POU6F2: variants seen among roughly 807,000 people sequenced by gnomAD.
The protein encoded by POU6F2 is POU class 6 homeobox 2.
POU6F2 carries 31 observed loss-of-function variants against 71.3 expected under a neutral mutation model. The observed-to-expected ratio is 0.43, with a 90% CI of 0.33 to 0.59. POU6F2 has a LOEUF of 0.59. Among genes scored for constraint, POU6F2 ranks in the 20% least tolerant of loss-of-function variants. POU6F2 has a pLI of 0.04. For synonymous variants in POU6F2, 347 were observed against 355.7 expected, an observed-to-expected ratio of 0.98 and a Z score of 0.27; for missense variants, 783 against 856.8, an observed-to-expected ratio of 0.91 and a Z score of 1.07.
At chr7:39,007,006 G>T in intron 1 of POU6F2, 1 of 813,684 alleles carries the variant, frequency 1.2e-6, no homozygotes. Context: ...CTTATGCTCT[G>T]ATGTGCTGCT....
At chr7:39,312,863 G>A (rs1220876586) in intron 4 of POU6F2, among the ~76,000 whole-genome samples, 1 of 152,176 alleles carries the variant, frequency 6.6e-6, no homozygotes, top group African/African-American at 2.4e-5. Context: ...GGGACAGAGT[G>A]GGACGGTGTG....
chr7:39,177,053 C>G (rs1439969552), intron 2 of POU6F2, among the ~76,000 whole-genome samples: 2 of 152,188 alleles, frequency 1.3e-5, no homozygotes, highest in Non-Finnish European at 2.9e-5. Context: ...CTTTTTTCCA[C>G]TCTTCAAACA....
chr7:39,353,831 T>G (rs1786197478), intron 5 of POU6F2, among the ~76,000 whole-genome samples: 1 of 152,230 alleles, frequency 6.6e-6, no homozygotes, highest in Non-Finnish European at 1.5e-5. Flanking sequence ...GAAATTTATC[T>G]TAATTAGATC....
intron 4 of POU6F2, among the ~76,000 whole-genome samples, chr7:39,294,473 G>A (rs188087631): frequency 1.4e-4 from 21 of 151,752 alleles, no homozygotes; most frequent in African/African-American, 4.1e-4. Flanking sequence ...ACAAAAACAT[G>A]CTACTGTTTC....
chr7:39,179,155 T>C (rs1005686939), intron 2 of POU6F2, among the ~76,000 whole-genome samples: 1 of 152,230 alleles, frequency 6.6e-6, no homozygotes, highest in African/African-American at 2.4e-5. Flanking sequence ...AAGTCACTGC[T>C]ACTATATCAA....
chr7:39,072,545 G>A lies in POU6F2; in HGVS notation c.106-13315G>A, dbSNP rs550976510. On this transcript the variant is annotated intron_variant, in intron 1 of 9. Coordinates refer to ENST00000518318, the MANE Select transcript of POU6F2 (RefSeq NM_001370959.1). ...GGTGTCTTACTGACTTGTTAAAATGGGTCTGATTTTCCCCTTGACAACACG... is the reference window on the plus strand; with the variant it reads ...GGTGTCTTACTGACTTGTTAAAATGAGTCTGATTTTCCCCTTGACAACACG... 2.6e-5 allele frequency among the ~76,000 whole-genome samples: 4 copies of A among 152,218 alleles called. No individual in the cohort carries two copies. In the South Asian group the frequency reaches 8.3e-4, roughly 32 times the overall value.
intron 4 of POU6F2, among the ~76,000 whole-genome samples, chr7:39,275,344 G>A (rs545165368): frequency 6.6e-6 from 1 of 152,160 alleles, no homozygotes; most frequent in South Asian, 2.1e-4. Flanking sequence ...CAACCTACAA[G>A]GGACGTGAAG....
intron 2 of POU6F2, among the ~76,000 whole-genome samples, chr7:39,171,508 A>G (rs999293518): frequency 2.6e-5 from 4 of 152,216 alleles, no homozygotes; most frequent in African/African-American, 9.6e-5. Flanking sequence ...GTTAGCAAGC[A>G]TCTCTCAGTA....
chr7:39,398,883 CT>C (rs1787236502), intron 5 of POU6F2, among the ~76,000 whole-genome samples: 1 of 152,192 alleles, frequency 6.6e-6, no homozygotes, highest in African/African-American at 2.4e-5. Flanking sequence ...CACAACAACC[CT>C]ACAATGTCAT....
intron 5 of POU6F2, among the ~76,000 whole-genome samples, chr7:39,403,155 G>A (rs186107638): frequency 1.3e-5 from 2 of 152,284 alleles, no homozygotes; most frequent in East Asian, 3.9e-4. Flanking sequence ...GGGAATGTGA[G>A]GCTTGGAGCC....
At chr7:39,007,855 C>T (rs1306597461) in intron 1 of POU6F2, among the ~76,000 whole-genome samples, 1 of 151,488 alleles carries the variant, frequency 6.6e-6, no homozygotes, top group Admixed American at 6.6e-5. Flanking sequence ...AGGACATGAA[C>T]TCATCATTTT....
chr7:39,437,626 A>G (rs1383428205), intron 7 of POU6F2, among the ~76,000 whole-genome samples: 4 of 151,798 alleles, frequency 2.6e-5, no homozygotes, highest in South Asian at 4.2e-4. Flanking sequence ...ATCTCCTTCA[A>G]ATCTTCTCTG....
chr7:39,355,409 A>G (rs556340930), intron 5 of POU6F2, among the ~76,000 whole-genome samples: 1 of 152,288 alleles, frequency 6.6e-6, no homozygotes, highest in South Asian at 2.1e-4. Flanking sequence ...CTAATTGTAC[A>G]TATATATTTT....
chr7:39,460,824 G>A lies in POU6F2; in HGVS notation c.1658+109G>A. Reference sequence around the variant, plus strand: ...GGGCAAAGCTGGAGGGGCAGAGAGTGGGAACAAAGTTTGGGGGCAGCTATA... The same window carrying A: ...GGGCAAAGCTGGAGGGGCAGAGAGTAGGAACAAAGTTTGGGGGCAGCTATA... On this transcript the variant is annotated intron_variant, in intron 9 of 9. Transcript: ENST00000518318. The surrounding 1 kb of genome is among the most constrained non-coding windows in gnomAD (Gnocchi z 4.4). The A allele has an allele frequency of 7.7e-7, 1 of 1,297,892 alleles. No homozygotes were observed. Among genetic ancestry groups the A allele is most frequent in the Non-Finnish European group, 1.0e-6 (1 of 977,218 alleles). 80.4% of individuals were successfully genotyped at this position (1,297,892 alleles called of 1,614,324 possible). A position where few individuals can be genotyped will look rare whatever the true frequency, so the allele number is the denominator to read the frequency against.
intron 1 of POU6F2, among the ~76,000 whole-genome samples, chr7:39,015,839 TATATTA>T (rs1789493324): frequency 1.6e-5 from 1 of 61,636 alleles, no homozygotes; most frequent in African/African-American, 5.5e-5. Context: ...AGATATATAA[TATATTA>T]TATATAGATA....
At chr7:39,436,452 G>A (rs1458343020) in intron 7 of POU6F2, among the ~76,000 whole-genome samples, 1 of 141,700 alleles carries the variant, frequency 7.1e-6, no homozygotes, top group Non-Finnish European at 1.5e-5. Context: ...AAGAATGCTT[G>A]TAATTTTGCA....
chr7:39,026,693 A>T, intron 1 of POU6F2, among the ~76,000 whole-genome samples: 1 of 152,154 alleles, frequency 6.6e-6, no homozygotes, highest in Non-Finnish European at 1.5e-5. Flanking sequence ...TGGCACATGT[A>T]TACATATGTA....
At chr7:39,175,336 G>T (rs542286028) in intron 2 of POU6F2, among the ~76,000 whole-genome samples, 1 of 152,010 alleles carries the variant, frequency 6.6e-6, no homozygotes, top group Non-Finnish European at 1.5e-5. Flanking sequence ...CCAAAATTTC[G>T]TGCATCAGTA....
intron 2 of POU6F2, among the ~76,000 whole-genome samples, chr7:39,135,670 G>C (rs1288016526): frequency 6.6e-6 from 1 of 151,842 alleles, no homozygotes; most frequent in Non-Finnish European, 1.5e-5. Flanking sequence ...AAAGAAAATA[G>C]AAACTAAGGT....
Sources: allele counts gnomAD v4.1 joint callset (sites outside exome capture counted in the v4.1 genomes callset), GRCh38; gene constraint gnomAD v4.1.1; non-coding constraint Gnocchi (gnomAD v3.1); transcripts MANE v1.5; gene names NCBI Gene and HGNC (gene_info 2026-07-23, HGNC 2026-07-21).